AP2B1: variants seen among roughly 807,000 people sequenced by gnomAD.
AP2B1 encodes adaptor related protein complex 2 subunit beta 1.
In AP2B1, 23 loss-of-function variants were observed where a neutral mutation model predicts 102.0. The ratio of observed to expected loss-of-function variants is 0.23; its 90% CI spans 0.16 to 0.32. AP2B1 has a LOEUF of 0.32. Among genes scored for constraint, AP2B1 ranks in the 10% least tolerant of loss-of-function variants. The probability of loss-of-function intolerance (pLI) is 1.00; values close to 1 mark genes in which losing one functional copy is unlikely to be tolerated. For missense variants in AP2B1, 541 were observed against 1,157.4 expected (o/e 0.47, Z 7.73); for synonymous variants, 381 against 421.2 (o/e 0.90, Z 1.17).
intron 16 of AP2B1, 41 bp from the exon 17 acceptor site, chr17:35,674,135 A>G (rs2075649492): frequency 6.4e-7 from 1 of 1,572,012 alleles, no homozygotes; most frequent in Admixed American, 1.8e-5. Flanking sequence ...GCATCAAGAT[A>G]AATCTTGTCT....
intron 16 of AP2B1, among the ~76,000 whole-genome samples, chr17:35,673,841 C>A (rs1473302867): frequency 2.6e-5 from 4 of 152,150 alleles, no homozygotes; most frequent in Admixed American, 2.6e-4. Context: ...TGGAATTTTT[C>A]TTTTCCTCTT....
At chr17:35,695,839 C>CT (rs1176889095) in intron 18 of AP2B1, among the ~76,000 whole-genome samples, 2 of 152,032 alleles carry the variant, frequency 1.3e-5, no homozygotes, top group Non-Finnish European at 2.9e-5. Context: ...CTGATATGCC[C>CT]TTGGTTGCCG....
At chr17:35,675,939 A>G (rs1452891693) in intron 17 of AP2B1, among the ~76,000 whole-genome samples, 3 of 152,200 alleles carry the variant, frequency 2.0e-5, no homozygotes, top group East Asian at 1.9e-4. Context: ...CAGGGTCCCA[A>G]TAAGGTCCCA....
At chr17:35,647,206 T>C (rs1399957477) in intron 12 of AP2B1, among the ~76,000 whole-genome samples, 4 of 152,220 alleles carry the variant, frequency 2.6e-5, no homozygotes, top group Non-Finnish European at 4.4e-5. Flanking sequence ...TATAAAAAAA[T>C]GTGGGAGAGA....
intron 11 of AP2B1, 22 bp downstream of exon 11, chr17:35,639,782 A>G (rs368081991): frequency 4.0e-5 from 65 of 1,605,910 alleles, no homozygotes; most frequent in Non-Finnish European, 5.2e-5. Context: ...TCTCTTGTCT[A>G]TCCTAGTAGT....
intron 3 of AP2B1, among the ~76,000 whole-genome samples, chr17:35,598,659 A>T (rs1373106428): frequency 1.3e-5 from 2 of 152,220 alleles, no homozygotes; most frequent in Admixed American, 6.5e-5. Flanking sequence ...GATGATAAAA[A>T]TACACTGAGA....
chr17:35,683,730 C>A (rs1451895233), intron 18 of AP2B1, among the ~76,000 whole-genome samples: 1 of 152,128 alleles, frequency 6.6e-6, no homozygotes, highest in Admixed American at 6.5e-5. Context: ...CTGTAGCAAC[C>A]CTGGAGGTTG....
intron 5 of AP2B1, among the ~76,000 whole-genome samples, chr17:35,613,245 T>G (rs183735821): frequency 2.7e-5 from 4 of 150,214 alleles, no homozygotes; most frequent in East Asian, 1.9e-4. Flanking sequence ...ATCCTAGATT[T>G]GAAAGCACTA....
At chr17:35,641,719 T>G (rs2074786824) in intron 11 of AP2B1, among the ~76,000 whole-genome samples, 158 bp from the exon 12 acceptor site, 1 of 152,228 alleles carries the variant, frequency 6.6e-6, no homozygotes, top group Non-Finnish European at 1.5e-5. Context: ...TTTTGACTGC[T>G]GTTGTTGATA....
intron 18 of AP2B1, among the ~76,000 whole-genome samples, chr17:35,691,817 G>A (rs1228981580): frequency 6.6e-6 from 1 of 152,164 alleles, no homozygotes; most frequent in Admixed American, 6.5e-5. Flanking sequence ...AAATAAAATA[G>A]AAAATTACTT....
chr17:35,682,228 C>G (rs587628735), intron 17 of AP2B1, among the ~76,000 whole-genome samples: 14 of 149,424 alleles, frequency 9.4e-5, no homozygotes, highest in Admixed American at 1.3e-4. Flanking sequence ...CCACTTTGCT[C>G]CAGCCTGGGT....
At chr17:35,708,459 A>ACAGGATGC (rs1555585909) in intron 18 of AP2B1, among the ~76,000 whole-genome samples, 1 of 152,026 alleles carries the variant, frequency 6.6e-6, no homozygotes, top group African/African-American at 2.4e-5. Context: ...AAACAAACAA[A>ACAGGATGC]CAGGATGCTC....
At chr17:35,595,391 T>A (rs1180655321) in intron 2 of AP2B1, among the ~76,000 whole-genome samples, 1 of 151,794 alleles carries the variant, frequency 6.6e-6, no homozygotes, top group Admixed American at 6.6e-5. Context: ...GAAAAAAAAT[T>A]TAAAAATTAG....
intron 14 of AP2B1, among the ~76,000 whole-genome samples, chr17:35,666,409 G>C (rs976513057): frequency 2.6e-5 from 4 of 152,072 alleles, no homozygotes; most frequent in African/African-American, 9.7e-5. Flanking sequence ...AGCAATTATG[G>C]GGGACTACAC....
At chr17:35,700,268 C>G (rs587655601) in intron 18 of AP2B1, among the ~76,000 whole-genome samples, 1 of 151,036 alleles carries the variant, frequency 6.6e-6, no homozygotes, top group East Asian at 2.0e-4. Context: ...CCATTAAAAA[C>G]CTGTCACTCC....
chr17:35,601,032 A>C, intron 3 of AP2B1: 1 of 984,242 alleles, frequency 1.0e-6, no homozygotes, highest in Non-Finnish European at 1.2e-6. Flanking sequence ...GTGACCATCT[A>C]TCTAAGGAGT....
At chr17:35,705,172 G>A (rs946836227) in intron 18 of AP2B1, among the ~76,000 whole-genome samples, 11 of 152,192 alleles carry the variant, frequency 7.2e-5, no homozygotes, top group African/African-American at 2.7e-4. Flanking sequence ...ATCTGGGGAA[G>A]CCTATGTTAC....
intron 21 of AP2B1, among the ~76,000 whole-genome samples, chr17:35,718,070 T>C: frequency 6.6e-6 from 1 of 152,114 alleles, no homozygotes; most frequent in Non-Finnish European, 1.5e-5. Flanking sequence ...GGGAGAAATA[T>C]CTTATTCCTC....
chr17:35,625,965 C>G (rs2074302823), intron 6 of AP2B1, among the ~76,000 whole-genome samples: 1 of 152,092 alleles, frequency 6.6e-6, no homozygotes, highest in Admixed American at 6.5e-5. Flanking sequence ...AAAGAACCCT[C>G]AACAGATAAT....
Sources: gnomAD v4.1 joint callset for allele counts (sites outside exome capture counted in the v4.1 genomes callset) on GRCh38, gnomAD v4.1.1 for gene constraint, MANE v1.5 for transcripts, NCBI Gene and HGNC (gene_info 2026-07-23, HGNC 2026-07-21) for gene names.